Variants in PTPRT observed in about 807,000 individuals in gnomAD.
The protein encoded by PTPRT is protein tyrosine phosphatase receptor type T.
Under a neutral mutation model 176.8 loss-of-function variants are expected in PTPRT, and 56 were observed. That is an observed-to-expected ratio of 0.32 (90% CI 0.26 to 0.40). The LOEUF (loss-of-function observed/expected upper bound fraction) is 0.40. PTPRT is among the 10% of genes least tolerant of loss of function. The pLI is 1.00. For synonymous variants in PTPRT, 783 were observed against 739.0 expected (o/e 1.06, Z -0.96); for missense variants, 1,540 against 1,908.2 (o/e 0.81, Z 3.60).
intron 7 of PTPRT, among the ~76,000 whole-genome samples, chr20:42,677,515 C>G (rs2075526272): frequency 6.6e-6 from 1 of 152,014 alleles, no homozygotes; most frequent in Non-Finnish European, 1.5e-5. Flanking sequence ...CATTAGAAAG[C>G]CTCAGACATA....
chr20:42,358,722 C>T (rs1468188887), intron 9 of PTPRT, among the ~76,000 whole-genome samples: 5 of 152,164 alleles, frequency 3.3e-5, no homozygotes, highest in Admixed American at 3.3e-4. Flanking sequence ...TCAGTCTCAG[C>T]CCCCTGTACT....
chr20:43,056,896 A>C (rs1362469982), intron 1 of PTPRT, among the ~76,000 whole-genome samples: 2 of 152,082 alleles, frequency 1.3e-5, no homozygotes, highest in East Asian at 1.9e-4. Context: ...TTGCAAAGGA[A>C]ATTTTTCCTC....
intron 1 of PTPRT, among the ~76,000 whole-genome samples, chr20:42,936,963 G>A (rs1220922485): frequency 6.6e-6 from 1 of 152,158 alleles, no homozygotes; most frequent in Non-Finnish European, 1.5e-5. Context: ...CCCTGCATCT[G>A]GGTGATGGAC....
chr20:42,381,408 A>G (rs2058697316), intron 9 of PTPRT, among the ~76,000 whole-genome samples: 1 of 152,146 alleles, frequency 6.6e-6, no homozygotes, highest in African/African-American at 2.4e-5. Flanking sequence ...AGCAACGTTC[A>G]GCTTGGTGGC....
chr20:42,225,000 C>T (rs879717475), intron 15 of PTPRT, among the ~76,000 whole-genome samples: 3 of 152,222 alleles, frequency 2.0e-5, no homozygotes, highest in Admixed American at 6.5e-5. Flanking sequence ...CACCGGTCTA[C>T]AGAGTCTTCT....
At chr20:42,054,180 C>G in the PTPRT span, among the ~76,000 whole-genome samples, 1 of 152,084 alleles carries the variant, frequency 6.6e-6, no homozygotes, top group Non-Finnish European at 1.5e-5. Context: ...GCAACAAGGC[C>G]CTACTATCTT....
intron 17 of PTPRT, among the ~76,000 whole-genome samples, chr20:42,153,009 C>T (rs1314086317): frequency 3.3e-5 from 5 of 152,146 alleles, no homozygotes; most frequent in Non-Finnish European, 7.3e-5. Flanking sequence ...CCCTCTTGTA[C>T]ACAACCTTCT....
At chr20:43,066,579 G>A (rs181317290) in intron 1 of PTPRT, among the ~76,000 whole-genome samples, 1 of 152,256 alleles carries the variant, frequency 6.6e-6, no homozygotes, top group Non-Finnish European at 1.5e-5. Flanking sequence ...ACATTCCTGT[G>A]TATTCCAACC....
chr20:42,410,585 G>A (rs755323882), intron 9 of PTPRT, among the ~76,000 whole-genome samples: 25 of 152,028 alleles, frequency 1.6e-4, no homozygotes, highest in Non-Finnish European at 3.7e-4. Context: ...CCTAAGTGAT[G>A]TTATTTCAGA....
intron 13 of PTPRT, among the ~76,000 whole-genome samples, chr20:42,274,405 T>C (rs2056990955): frequency 6.6e-6 from 1 of 152,202 alleles, no homozygotes. Context: ...TAGCAAAGCC[T>C]AGCCTAGCCT....
chr20:42,986,941 A>T (rs368449622), intron 1 of PTPRT, among the ~76,000 whole-genome samples: 120 of 152,260 alleles, frequency 7.9e-4, no homozygotes, highest in African/African-American at 2.8e-3. Flanking sequence ...TTGCTGTCTT[A>T]GAGGCCACAT....
chr20:43,010,793 A>C (rs1049935353), intron 1 of PTPRT, among the ~76,000 whole-genome samples: 3 of 152,122 alleles, frequency 2.0e-5, no homozygotes, highest in African/African-American at 7.2e-5. Flanking sequence ...ATGAGTACTA[A>C]GCAGGTTCTT....
At chr20:42,091,479 A>C (rs1260520811) in intron 27 of PTPRT, among the ~76,000 whole-genome samples, 1 of 152,240 alleles carries the variant, frequency 6.6e-6, no homozygotes, top group East Asian at 1.9e-4. Flanking sequence ...TTTATTAAAA[A>C]TACTTTGATA....
rs573636616 is a variant in PTPRT, at chr20:42,200,719, C to A, written c.2343-1331G>T. Among the ~76,000 whole-genome samples the A allele has an allele frequency of 2.0e-5, 3 of 152,278 alleles. No homozygotes were observed. In the East Asian group the frequency reaches 5.8e-4, roughly 29 times the overall value. On this transcript the variant is annotated intron_variant, in intron 15 of 30. Transcript: ENST00000373187. The stretch of plus-strand genomic sequence containing the variant: ...GCGAACATGGTCCCTCTTTTTCCAA[C>A]ATATATGCATCGAAATATAGCTGTT...
At chr20:42,272,647 A>C (rs1390101195) in intron 13 of PTPRT, among the ~76,000 whole-genome samples, 3 of 152,154 alleles carry the variant, frequency 2.0e-5, no homozygotes, top group African/African-American at 7.2e-5. Flanking sequence ...AGTCTGCTTA[A>C]GTACCTCCAG....
intron 16 of PTPRT, among the ~76,000 whole-genome samples, chr20:42,177,857 C>A (rs1376392547): frequency 6.6e-6 from 1 of 151,114 alleles, no homozygotes; most frequent in African/African-American, 2.4e-5. Flanking sequence ...TCCCTTCCCT[C>A]CCCTCCCCTT....
the PTPRT span, among the ~76,000 whole-genome samples, chr20:42,044,993 C>T: frequency 3.9e-5 from 6 of 152,164 alleles, no homozygotes; most frequent in South Asian, 2.1e-4. Flanking sequence ...TCACCTGAGT[C>T]GTCCTTACAC....
At chr20:42,582,212 A>G (rs1405136892) in intron 7 of PTPRT, among the ~76,000 whole-genome samples, 1 of 152,214 alleles carries the variant, frequency 6.6e-6, no homozygotes, top group African/African-American at 2.4e-5. Flanking sequence ...TCTTGTCTGC[A>G]GGCTCCCTTT....
At chr20:42,719,950 G>A (rs925283016) in intron 6 of PTPRT, among the ~76,000 whole-genome samples, 1 of 152,194 alleles carries the variant, frequency 6.6e-6, no homozygotes, top group African/African-American at 2.4e-5. Flanking sequence ...TCCTACCAAA[G>A]GCCTCCGCCA....
Sources: allele counts gnomAD v4.1 joint callset (sites outside exome capture counted in the v4.1 genomes callset), GRCh38; gene constraint gnomAD v4.1.1; transcripts MANE v1.5; gene names NCBI Gene and HGNC (gene_info 2026-07-23, HGNC 2026-07-21).